Variants in ANKRD6 observed in about 807,000 individuals in gnomAD.
The protein encoded by ANKRD6 is ankyrin repeat domain-containing protein 6.
A neutral mutation model predicts 82.3 loss-of-function variants in ANKRD6; 56 were observed. That is an observed-to-expected ratio of 0.68 (90% CI 0.55 to 0.85). ANKRD6 has a LOEUF of 0.85. Among genes scored for constraint, ANKRD6 ranks in the 40% least tolerant of loss-of-function variants. The pLI, the probability that ANKRD6 is intolerant of heterozygous loss-of-function variation, is 0.00. For missense variants in ANKRD6, 852 were observed against 907.6 expected, an observed-to-expected ratio of 0.94 and a Z score of 0.79; for synonymous variants, 347 against 352.1, an observed-to-expected ratio of 0.99 and a Z score of 0.16.
chr6:89,616,297 C>T (rs1438238573), intron 7 of ANKRD6: 1 of 467,594 alleles, frequency 2.1e-6, no homozygotes, highest in South Asian at 2.6e-5. Flanking sequence ...CCCAGGCCAG[C>T]ATTACTTTGC....
At chr6:89,621,427 C>CT (rs1803252161) in intron 9 of ANKRD6, 2 of 168,654 alleles carry the variant, frequency 1.2e-5, no homozygotes, top group Admixed American at 5.5e-5. Flanking sequence ...CATAGATACA[C>CT]TTTAATAATA....
intron 1 of ANKRD6, among the ~76,000 whole-genome samples, chr6:89,465,358 T>C (rs1316740837): frequency 6.6e-6 from 1 of 152,036 alleles, no homozygotes; most frequent in Non-Finnish European, 1.5e-5. Context: ...TGACCTCAAG[T>C]GATCCGCCCA....
intron 3 of ANKRD6, chr6:89,602,202 C>T (rs1797351410): frequency 1.3e-5 from 2 of 152,288 alleles, no homozygotes; most frequent in African/African-American, 4.8e-5. Flanking sequence ...TGATTTACCT[C>T]AACTTAGCTT....
chr6:89,630,630 G>A lies in ANKRD6; in HGVS notation c.1810G>A (p.Ala604Thr), dbSNP rs1807193667. The A allele has an allele frequency of 6.2e-7, 1 of 1,613,922 alleles. No homozygotes were observed. Among genetic ancestry groups the A allele is most frequent in the Middle Eastern group, 1.6e-4 (1 of 6,062 alleles). The change falls in exon 16 of 16, where the codon GCC becomes ACC. Residue 604 changes from alanine to threonine, a missense_variant. Physicochemically the swap from Ala to Thr is moderately conservative, Grantham distance 58. Coordinates refer to ENST00000339746, the MANE Select transcript of ANKRD6 (RefSeq NM_001242809.2). Reference protein sequence around the residue: ...QTALLPMNEAARSDQQAGPCV... With the variant: ...QTALLPMNEATRSDQQAGPCV... ...AGCCTTGCTACCCATGAATGAGGCA[G>A]CCAGATCTGATCAGCAGGCTGGGCC...
chr6:89,608,123 A>G (rs1449365030), intron 5 of ANKRD6, among the ~76,000 whole-genome samples: 2 of 152,180 alleles, frequency 1.3e-5, no homozygotes, highest in East Asian at 1.9e-4. Flanking sequence ...TACTCTGGAG[A>G]TATTTGCAGT....
chr6:89,474,175 C>T (rs574075248), intron 1 of ANKRD6, among the ~76,000 whole-genome samples: 2 of 152,116 alleles, frequency 1.3e-5, no homozygotes, highest in African/African-American at 2.4e-5. Flanking sequence ...TGACACCCTC[C>T]CAGGATAGCC....
At position 89,631,091 on chromosome 6, in the gene ANKRD6, G is replaced by A. The variant is rs1807313605; in HGVS notation, c.*87G>A. On this transcript the variant is annotated 3_prime_UTR_variant, in exon 16 of 16. Coordinates refer to ENST00000339746, the MANE Select transcript of ANKRD6 (RefSeq NM_001242809.2). ...AGCTATGCCCAAGGAGTCAACTATTGTATATATTGCAGATTTGCCTTTTTA... is the reference window on the plus strand; with the variant it reads ...AGCTATGCCCAAGGAGTCAACTATTATATATATTGCAGATTTGCCTTTTTA... 7.0e-7 allele frequency: 1 copy of A among 1,429,828 alleles called. No homozygotes were observed. The highest frequency in any genetic ancestry group is 9.1e-7 in the Non-Finnish European group (1 of 1,097,196). The allele number at this position is 1,429,828 out of a possible 1,614,324, so 88.6% of individuals were successfully genotyped here. A position where few individuals can be genotyped will look rare whatever the true frequency, so the allele number is the denominator to read the frequency against.
intron 14 of ANKRD6, chr6:89,628,781 C>A (rs1363411418): frequency 3.6e-5 from 9 of 250,294 alleles, no homozygotes; most frequent in East Asian, 1.0e-4. Context: ...AAAAAACAAA[C>A]AAACAAACAA....
At chr6:89,537,948 C>T (rs1166618757) in intron 1 of ANKRD6, among the ~76,000 whole-genome samples, 1 of 151,574 alleles carries the variant, frequency 6.6e-6, no homozygotes, top group African/African-American at 2.4e-5. Flanking sequence ...CTTTACATGC[C>T]AATCCCTCCC....
At chr6:89,602,610 G>GA (rs1239567891) in intron 3 of ANKRD6, 1 of 176,284 alleles carries the variant, frequency 5.7e-6, no homozygotes, top group Admixed American at 5.6e-5. Context: ...GCTGGACAGT[G>GA]GTCCCCCTGC....
intron 1 of ANKRD6, among the ~76,000 whole-genome samples, chr6:89,554,018 G>A (rs765342272): frequency 3.3e-5 from 5 of 152,294 alleles, no homozygotes; most frequent in Admixed American, 6.5e-5. Flanking sequence ...AGATGGGGGG[G>A]TGTGAGTGAC....
chr6:89,570,202 C>T (rs570807148), intron 2 of ANKRD6, among the ~76,000 whole-genome samples: 3 of 151,944 alleles, frequency 2.0e-5, no homozygotes, highest in African/African-American at 4.8e-5. Context: ...CACCTCAGCT[C>T]CCTGTGTAGC....
rs375571692 is a variant in ANKRD6 at position 89,569,113 on chromosome 6, C to T, written c.120+2017C>T. 1.1e-4 allele frequency among the ~76,000 whole-genome samples: 17 copies of T among 151,914 alleles called. No individual in the cohort carries two copies. The East Asian group carries it at 1.2e-3, about 10-fold the overall frequency. On this transcript the variant is annotated intron_variant, in intron 2 of 15. Transcript: ENST00000339746. ...ATTTTGAGTAGAGATAGGGTTTCAC[C>T]GTGTTGGGCCAGGCTGGTCTCAAAC...
intron 1 of ANKRD6, among the ~76,000 whole-genome samples, chr6:89,468,758 A>T (rs1219938195): frequency 6.6e-6 from 1 of 152,104 alleles, no homozygotes; most frequent in African/African-American, 2.4e-5. Context: ...ATCTGTATTT[A>T]GAATTTTTAG....
intron 1 of ANKRD6, among the ~76,000 whole-genome samples, chr6:89,446,036 C>T (rs1041936703): frequency 6.6e-6 from 1 of 152,146 alleles, no homozygotes; most frequent in Non-Finnish European, 1.5e-5. Context: ...GCCTCCTATT[C>T]CCTAAGACAC....
chr6:89,489,053 G>A (rs749540650), intron 1 of ANKRD6, among the ~76,000 whole-genome samples: 3 of 152,124 alleles, frequency 2.0e-5, no homozygotes, highest in Non-Finnish European at 2.9e-5. Flanking sequence ...GACTGATAAC[G>A]TGTCTCATGC....
chr6:89,615,455 G>T (rs1271986187), intron 7 of ANKRD6, among the ~76,000 whole-genome samples: 1 of 152,192 alleles, frequency 6.6e-6, no homozygotes, highest in Non-Finnish European at 1.5e-5. Flanking sequence ...TTTCAACCTT[G>T]GCAGCGTGTC....
chr6:89,576,705 G>A (rs1405917189), intron 2 of ANKRD6, among the ~76,000 whole-genome samples: 3 of 151,940 alleles, frequency 2.0e-5, no homozygotes, highest in Admixed American at 1.3e-4. Context: ...GCTCCCGTTG[G>A]GTCTGTCAGC....
intron 1 of ANKRD6, among the ~76,000 whole-genome samples, chr6:89,548,280 G>A (rs1785372678): frequency 1.3e-5 from 2 of 152,190 alleles, no homozygotes; most frequent in African/African-American, 4.8e-5. Flanking sequence ...ATAGAAGCAT[G>A]CACTATGTGG....
Sources: gnomAD v4.1 joint callset for allele counts (sites outside exome capture counted in the v4.1 genomes callset) on GRCh38, gnomAD v4.1.1 for gene constraint, MANE v1.5 for transcripts, NCBI Gene and HGNC (gene_info 2026-07-23, HGNC 2026-07-21) for gene names.